SGCZ: variants seen among roughly 807,000 people sequenced by gnomAD.
The protein encoded by SGCZ is sarcoglycan zeta.
A neutral mutation model predicts 41.3 loss-of-function variants in SGCZ; 40 were observed. The observed-to-expected ratio is 0.97, with a 90% CI of 0.75 to 1.26. The LOEUF is 1.26. Ranked by LOEUF, SGCZ falls within the 50% of genes most tolerant of loss-of-function variation. The probability of loss-of-function intolerance (pLI) is 0.00; values close to 1 mark genes in which losing one functional copy is unlikely to be tolerated. For missense variants in SGCZ, 552 were observed against 369.8 expected (o/e 1.49, Z -4.04); for synonymous variants, 206 against 137.5 (o/e 1.50, Z -3.49).
At chr8:14,939,276 C>A (rs1027052649) in intron 1 of SGCZ, among the ~76,000 whole-genome samples, 3 of 152,112 alleles carry the variant, frequency 2.0e-5, no homozygotes, top group African/African-American at 7.2e-5. Context: ...CAGCTAAAGA[C>A]ACTCTGTGTC....
chr8:14,299,710 G>C (rs1316695220), intron 3 of SGCZ, among the ~76,000 whole-genome samples: 1 of 151,972 alleles, frequency 6.6e-6, no homozygotes, highest in East Asian at 1.9e-4. Context: ...GCTGCTGGTA[G>C]TATTGTACCA....
intron 1 of SGCZ, among the ~76,000 whole-genome samples, chr8:14,878,464 G>C (rs186085750): frequency 6.6e-6 from 1 of 152,242 alleles, no homozygotes; most frequent in Admixed American, 6.5e-5. Flanking sequence ...GAAATAAGTA[G>C]TACTGTGGTT....
intron 1 of SGCZ, among the ~76,000 whole-genome samples, chr8:15,227,675 A>G (rs1454319206): frequency 6.6e-6 from 1 of 152,202 alleles, no homozygotes; most frequent in African/African-American, 2.4e-5. Context: ...GTACTGTGAC[A>G]CTGTTCGTCA....
At chr8:14,829,072 TG>T (rs2130593940) in intron 1 of SGCZ, among the ~76,000 whole-genome samples, 1 of 152,262 alleles carries the variant, frequency 6.6e-6, no homozygotes, top group African/African-American at 2.4e-5. Flanking sequence ...GAAACCTTTG[TG>T]TAACAAAGGT....
chr8:14,813,592 T>C (rs898335038), intron 1 of SGCZ, among the ~76,000 whole-genome samples: 2 of 152,184 alleles, frequency 1.3e-5, no homozygotes, highest in Non-Finnish European at 2.9e-5. Flanking sequence ...CCAGCTCCAG[T>C]ACACAGAAGT....
At chr8:15,031,084 C>T (rs192151353) in intron 1 of SGCZ, among the ~76,000 whole-genome samples, 40 of 151,270 alleles carry the variant, frequency 2.6e-4, no homozygotes, top group African/African-American at 7.3e-4. Flanking sequence ...TGTGTGTGTG[C>T]GTTTTCTCAC....
intron 1 of SGCZ, among the ~76,000 whole-genome samples, chr8:14,672,349 TGA>T (rs1202900862): frequency 1.2e-4 from 19 of 152,340 alleles, no homozygotes; most frequent in African/African-American, 4.6e-4. Context: ...AAATATTTGC[TGA>T]TTGGTCAGAT....
chr8:14,217,761 C>G (rs185568365), intron 4 of SGCZ, among the ~76,000 whole-genome samples: 8 of 150,352 alleles, frequency 5.3e-5, no homozygotes, highest in African/African-American at 2.0e-4. Flanking sequence ...TCCAAAGTAG[C>G]TGCGATTACA....
chr8:14,099,877 T>C (rs539430312), intron 7 of SGCZ, among the ~76,000 whole-genome samples: 25 of 149,980 alleles, frequency 1.7e-4, no homozygotes, highest in African/African-American at 5.6e-4. Context: ...TTTACAATAC[T>C]ATGCCTGAAA....
intron 1 of SGCZ, among the ~76,000 whole-genome samples, chr8:14,947,514 G>C (rs944458428): frequency 3.3e-5 from 5 of 152,170 alleles, no homozygotes; most frequent in African/African-American, 1.2e-4. Context: ...AAGTGGTGTG[G>C]TGCTGAGGTA....
intron 1 of SGCZ, among the ~76,000 whole-genome samples, chr8:15,115,216 C>G (rs1017573178): frequency 6.6e-6 from 1 of 152,132 alleles, no homozygotes; most frequent in African/African-American, 2.4e-5. Context: ...CACATGCCTT[C>G]CGAGCTATCA....
chr8:14,127,880 GT>G (rs1368425177), intron 5 of SGCZ, among the ~76,000 whole-genome samples: 1 of 152,128 alleles, frequency 6.6e-6, no homozygotes, highest in African/African-American at 2.4e-5. Flanking sequence ...ATTAAGCCCA[GT>G]ACCCGATAAT....
chr8:14,324,718 C>G (rs780126304), intron 2 of SGCZ, among the ~76,000 whole-genome samples: 6 of 151,982 alleles, frequency 3.9e-5, no homozygotes, highest in Admixed American at 6.6e-5. Context: ...TCTGTCAGAT[C>G]CTTTAGAAAA....
chr8:14,357,793 G>A (rs1246972677), intron 2 of SGCZ, among the ~76,000 whole-genome samples: 1 of 152,136 alleles, frequency 6.6e-6, no homozygotes, highest in Non-Finnish European at 1.5e-5. Flanking sequence ...TGAAGAATAT[G>A]CCTGAGGTCA....
intron 3 of SGCZ, among the ~76,000 whole-genome samples, chr8:14,251,801 T>C (rs909591771): frequency 1.6e-4 from 24 of 152,260 alleles, no homozygotes; most frequent in African/African-American, 5.3e-4. Flanking sequence ...TGGGATACTT[T>C]GCCTCCCGGG....
At chr8:14,634,599 G>A (rs988544222) in intron 1 of SGCZ, among the ~76,000 whole-genome samples, 4 of 151,774 alleles carry the variant, frequency 2.6e-5, no homozygotes, top group Admixed American at 6.6e-5. Flanking sequence ...TCTACAAAAT[G>A]ACTGTACGAG....
At chr8:14,450,754 G>A (rs1007896865) in intron 2 of SGCZ, among the ~76,000 whole-genome samples, 4 of 152,110 alleles carry the variant, frequency 2.6e-5, no homozygotes, top group Admixed American at 6.6e-5. Context: ...ATGGATTTCT[G>A]TGCCATTGCT....
chr8:14,957,139 A>C (rs1800818830), intron 1 of SGCZ, among the ~76,000 whole-genome samples: 1 of 152,192 alleles, frequency 6.6e-6, no homozygotes, highest in Non-Finnish European at 1.5e-5. Flanking sequence ...AATTATTATC[A>C]TTAAATAAAT....
chr8:14,680,991 G>A (rs1808428702), intron 1 of SGCZ, among the ~76,000 whole-genome samples: 1 of 107,100 alleles, frequency 9.3e-6, no homozygotes, highest in Admixed American at 8.7e-5. Flanking sequence ...ACAGAAAATC[G>A]GTGAACCCTG....
Sources: allele counts gnomAD v4.1 joint callset (sites outside exome capture counted in the v4.1 genomes callset), GRCh38; gene constraint gnomAD v4.1.1; transcripts MANE v1.5; gene names NCBI Gene and HGNC (gene_info 2026-07-23, HGNC 2026-07-21).